The following DOCK3 variants were observed in gnomAD, a reference collection of about 807,000 sequenced individuals.
DOCK3 encodes dedicator of cytokinesis protein 3.
In DOCK3, 60 loss-of-function variants were observed where a neutral mutation model predicts 265.6. The observed-to-expected ratio is 0.23, with a 90% CI of 0.18 to 0.28. The LOEUF (loss-of-function observed/expected upper bound fraction) is 0.28, where lower values mean the gene tolerates loss of function less well. Among genes scored for constraint, DOCK3 ranks in the 10% least tolerant of loss-of-function variants. DOCK3 has a pLI of 1.00. For synonymous variants in DOCK3, 881 were observed against 938.0 expected (o/e 0.94, Z 1.11); for missense variants, 1,981 against 2,594.3 (o/e 0.76, Z 5.14).
chr3:50,729,290 C>G (rs2038038468), intron 1 of DOCK3, among the ~76,000 whole-genome samples: 1 of 146,726 alleles, frequency 6.8e-6, no homozygotes, highest in Admixed American at 6.8e-5. Flanking sequence ...GCGCTGCACT[C>G]CAGGGCAGGC....
rs1388836362 is a variant in DOCK3 at position 50,974,850 on chromosome 3, C to A, written c.315+40773C>A. ...GTTTGTAGTTCTCCTTGAAGAGGTC[C>A]TTCACATCCCTTGTAAGTTGTATTC... On this transcript the variant is annotated intron_variant, in intron 5 of 52. Coordinates refer to ENST00000266037, the MANE Select transcript of DOCK3 (RefSeq NM_004947.5). Among the ~76,000 whole-genome samples the A allele has an allele frequency of 7.3e-5, 10 of 136,154 alleles. 1 individual carries two copies. The South Asian group carries it at 2.5e-3, about 34-fold the overall frequency. 89.3% of individuals were successfully genotyped at this position (136,154 alleles called of 152,430 possible).
intron 38 of DOCK3, among the ~76,000 whole-genome samples, chr3:51,341,600 G>C (rs2085247793): frequency 6.6e-6 from 1 of 152,322 alleles, no homozygotes; most frequent in South Asian, 2.1e-4. Flanking sequence ...GCCATATCCA[G>C]ATTGTAGGTG....
chr3:50,679,926 A>T (rs1421995094), intron 1 of DOCK3, among the ~76,000 whole-genome samples: 1 of 151,970 alleles, frequency 6.6e-6, no homozygotes. Flanking sequence ...CTATATCACC[A>T]CCTCTCCCCT....
chr3:50,970,237 G>A (rs992370302), intron 5 of DOCK3, among the ~76,000 whole-genome samples: 16 of 151,906 alleles, frequency 1.1e-4, no homozygotes, highest in South Asian at 2.1e-4. Context: ...TTTCCTTTAC[G>A]TTCACTTTAG....
At chr3:51,089,180 A>G in intron 7 of DOCK3, 63 bp from the exon 8 acceptor site, 1 of 1,531,592 alleles carries the variant, frequency 6.5e-7, no homozygotes, top group Non-Finnish European at 8.9e-7. Context: ...GCATATAGAA[A>G]GTTCTTAATA....
At chr3:51,190,519 C>T (rs1316082686) in intron 12 of DOCK3, among the ~76,000 whole-genome samples, 3 of 152,164 alleles carry the variant, frequency 2.0e-5, no homozygotes, top group African/African-American at 7.2e-5. Context: ...CGGGGTGGTG[C>T]AGGCAATGGT....
chr3:51,167,445 T>C, intron 12 of DOCK3, among the ~76,000 whole-genome samples: 1 of 152,236 alleles, frequency 6.6e-6, no homozygotes, highest in East Asian at 1.9e-4. Context: ...TGTGGTTCCA[T>C]ACAAATTTCA....
chr3:51,029,066 T>TA (rs1416991212), intron 5 of DOCK3, among the ~76,000 whole-genome samples: 1 of 152,208 alleles, frequency 6.6e-6, no homozygotes, highest in Non-Finnish European at 1.5e-5. Flanking sequence ...ACTTTAATTT[T>TA]AATGGGCTTT....
At chr3:51,136,170 T>C (rs184840443) in intron 9 of DOCK3, among the ~76,000 whole-genome samples, 38 of 152,162 alleles carry the variant, frequency 2.5e-4, no homozygotes, top group Middle Eastern at 3.4e-3. Context: ...TTCAAGAACC[T>C]GTTCCAGTAC....
At chr3:51,108,565 A>G (rs1452243467) in intron 9 of DOCK3, among the ~76,000 whole-genome samples, 1 of 152,226 alleles carries the variant, frequency 6.6e-6, no homozygotes, top group Non-Finnish European at 1.5e-5. Context: ...AATGGGCAAA[A>G]TGCCCCAATT....
rs1014373891 is a variant in DOCK3, at chr3:51,182,815, C to T, written c.1037+22113C>T. Among the ~76,000 whole-genome samples, 4 of 152,268 alleles carry T rather than the reference C, an allele frequency of 2.6e-5. No homozygotes were observed. The East Asian group carries it at 7.7e-4, about 29-fold the overall frequency. ...TCAAGGAGTTACTTACTTGATTTTT[C>T]AGTCAGTTCCAAAAAAGCTTTTATA... On this transcript the variant is annotated intron_variant, in intron 12 of 52. Transcript: ENST00000266037.
chr3:51,158,410 A>G (rs1264364360), intron 10 of DOCK3, among the ~76,000 whole-genome samples: 2 of 152,048 alleles, frequency 1.3e-5, no homozygotes, highest in Non-Finnish European at 2.9e-5. Context: ...GCTGGGCATG[A>G]TGGTGCACAC....
chr3:51,094,138 GT>G (rs2082737810), intron 9 of DOCK3, among the ~76,000 whole-genome samples: 1 of 151,946 alleles, frequency 6.6e-6, no homozygotes, highest in Non-Finnish European at 1.5e-5. Context: ...TTCTTTTTTT[GT>G]TGTGTCTCTG....
chr3:50,796,274 G>GC (rs986054357), intron 2 of DOCK3, among the ~76,000 whole-genome samples: 1 of 151,450 alleles, frequency 6.6e-6, no homozygotes, highest in African/African-American at 2.4e-5. Flanking sequence ...CTCGTGATCC[G>GC]CCCCCCTCGG....
At chr3:51,153,126 C>T (rs2085688454) in intron 10 of DOCK3, among the ~76,000 whole-genome samples, 1 of 152,246 alleles carries the variant, frequency 6.6e-6, no homozygotes, top group African/African-American at 2.4e-5. Flanking sequence ...ACAGAGGCAG[C>T]AGGCCTTGCA....
intron 3 of DOCK3, among the ~76,000 whole-genome samples, chr3:50,863,031 C>T (rs780748430): frequency 1.3e-4 from 20 of 152,154 alleles, no homozygotes; most frequent in Admixed American, 6.5e-4. Context: ...TGCTGGCCCC[C>T]GCAGTGATTG....
At chr3:51,256,803 C>T (rs1034001722) in intron 22 of DOCK3, among the ~76,000 whole-genome samples, 9 of 152,118 alleles carry the variant, frequency 5.9e-5, no homozygotes, top group Non-Finnish European at 1.3e-4. Context: ...CCCTGTTGGT[C>T]AGGCTGGTCT....
chr3:51,075,377 G>T lies in DOCK3; in HGVS notation c.486G>T (p.Val162=). 3 of 1,611,206 alleles carry T rather than the reference G, an allele frequency of 1.9e-6. No individual in the cohort carries two copies. The highest frequency in any genetic ancestry group is 2.5e-6 in the Non-Finnish European group (3 of 1,178,820). The part of the protein sequence containing the change: ...WGNEHLGLDL[V]PRKDFEVVDS... ...CTAGACATTTGGGCCTGGACCTGGT[G>T]CCTCGGAAGGACTTTGAAGTAGTGG... Residue 162 remains valine (V), a synonymous_variant, in exon 7 of 53, where the codon GTG becomes GTT. Coordinates refer to ENST00000266037, the MANE Select transcript of DOCK3 (RefSeq NM_004947.5).
chr3:51,073,086 A>T (rs1272424009), intron 6 of DOCK3, among the ~76,000 whole-genome samples: 1 of 152,064 alleles, frequency 6.6e-6, no homozygotes, highest in Non-Finnish European at 1.5e-5. Context: ...GCTAGTTCAC[A>T]TATATTTATA....
Sources: gnomAD v4.1 joint callset for allele counts (sites outside exome capture counted in the v4.1 genomes callset) on GRCh38, gnomAD v4.1.1 for gene constraint, MANE v1.5 for transcripts, NCBI Gene and HGNC (gene_info 2026-07-23, HGNC 2026-07-21) for gene names.